MID1: variants seen among roughly 807,000 people sequenced by gnomAD.
The protein encoded by MID1 is E3 ubiquitin-protein ligase Midline-1.
MID1 carries 7 observed loss-of-function variants against 40.4 expected under a neutral mutation model. The observed-to-expected ratio is 0.17, with a 90% CI of 0.10 to 0.33. The LOEUF is 0.33. Ranked by LOEUF, MID1 falls within the 10% of genes least tolerant of loss-of-function variation. MID1 has a pLI of 1.00. For synonymous variants in MID1, 229 were observed against 221.2 expected, an observed-to-expected ratio of 1.04 and a Z score of -0.31; for missense variants, 367 against 558.5, an observed-to-expected ratio of 0.66 and a Z score of 3.46.
chrX:10,682,738 G>T (rs927908276), intron 1 of MID1, among the ~76,000 whole-genome samples: 4 of 111,387 alleles, frequency 3.6e-5, no homozygotes, highest in African/African-American at 1.3e-4. Flanking sequence ...CCTTTTCCCT[G>T]ATCATTAATA....
intron 1 of MID1, among the ~76,000 whole-genome samples, chrX:10,826,405 T>C (rs2044217150): frequency 8.9e-6 from 1 of 112,372 alleles, no homozygotes; most frequent in South Asian, 3.7e-4. Context: ...TCTGCTCTAC[T>C]ATTTTGATGC....
intron 5 of MID1, chrX:10,474,967 G>A (rs1375662503): frequency 1.9e-5 from 9 of 464,233 alleles, no homozygotes; most frequent in Non-Finnish European, 3.5e-5. Flanking sequence ...ACAACAAAAT[G>A]GCTTGCCCTC....
At chrX:10,646,917 C>T (rs999710700) in intron 1 of MID1, among the ~76,000 whole-genome samples, 9 of 111,632 alleles carry the variant, frequency 8.1e-5, no homozygotes, top group Non-Finnish European at 1.5e-4. Flanking sequence ...AGGAATTTTT[C>T]TAATTATATC....
intron 1 of MID1, among the ~76,000 whole-genome samples, chrX:10,706,417 TGTCATG>T (rs2043231822): frequency 1.8e-5 from 2 of 110,862 alleles, no homozygotes; most frequent in Admixed American, 1.9e-4. Context: ...AATCCCCACA[TGTCATG>T]GGAGGGACCT....
At chrX:10,759,650 C>T (rs908077260) in intron 1 of MID1, among the ~76,000 whole-genome samples, 2 of 110,392 alleles carry the variant, frequency 1.8e-5, no homozygotes, top group African/African-American at 6.6e-5. Context: ...CTCCGCCACT[C>T]CCCCAACCCC....
intron 1 of MID1, among the ~76,000 whole-genome samples, chrX:10,825,510 G>A (rs1023113718): frequency 4.5e-5 from 5 of 112,238 alleles, no homozygotes; most frequent in African/African-American, 1.3e-4. Flanking sequence ...TACTGGGAAC[G>A]TGAAGTTAAT....
intron 1 of MID1, among the ~76,000 whole-genome samples, chrX:10,729,115 A>G (rs990746944): frequency 1.8e-5 from 2 of 112,038 alleles, no homozygotes; most frequent in African/African-American, 6.5e-5. Flanking sequence ...TGGGTGGCAC[A>G]GACACTTCTG....
chrX:10,634,752 C>A (rs184270310), intron 1 of MID1, among the ~76,000 whole-genome samples: 151 of 112,201 alleles, frequency 1.3e-3, no homozygotes, highest in African/African-American at 4.7e-3. Context: ...GAATATCGTA[C>A]AACCCACCTA....
chrX:10,646,928 A>G (rs1195725790), intron 1 of MID1, among the ~76,000 whole-genome samples: 1 of 111,882 alleles, frequency 8.9e-6, no homozygotes, highest in Non-Finnish European at 1.9e-5. Context: ...TAATTATATC[A>G]GAGAAACGAA....
At chrX:10,635,362 T>C (rs959328121) in intron 1 of MID1, among the ~76,000 whole-genome samples, 1 of 112,510 alleles carries the variant, frequency 8.9e-6, no homozygotes, top group Non-Finnish European at 1.9e-5. Context: ...CTTCTAATGA[T>C]AGTTCCACTC....
chrX:10,754,719 C>T (rs1005252534), intron 1 of MID1, among the ~76,000 whole-genome samples: 1 of 111,043 alleles, frequency 9.0e-6, no homozygotes, highest in Non-Finnish European at 1.9e-5. Flanking sequence ...TTTTCTATGG[C>T]CCTGCAATCT....
chrX:10,456,526 C>CTAT (rs1162142525), intron 8 of MID1, among the ~76,000 whole-genome samples: 1 of 112,589 alleles, frequency 8.9e-6, no homozygotes, highest in African/African-American at 3.2e-5. Flanking sequence ...TTTTAGAAAT[C>CTAT]TATTTCTGTA....
intron 4 of MID1, 126 bp from the exon 5 acceptor site, chrX:10,482,754 G>C: frequency 1.4e-6 from 1 of 692,169 alleles, no homozygotes; most frequent in African/African-American, 2.1e-5. Context: ...TAGGCATAGA[G>C]ATATATCAAA....
chrX:10,527,580 C>T (rs1042328798), intron 2 of MID1, among the ~76,000 whole-genome samples: 12 of 111,625 alleles, frequency 1.1e-4, no homozygotes, highest in African/African-American at 3.9e-4. Context: ...CTCCAGCTTG[C>T]TCATGGCTTT....
intron 1 of MID1, among the ~76,000 whole-genome samples, chrX:10,725,408 AT>A (rs2043383034): frequency 1.8e-5 from 2 of 111,486 alleles, no homozygotes; most frequent in South Asian, 7.5e-4. Context: ...TTATAAATAT[AT>A]TTTTCCCGAG....
rs1292370523 is a variant in MID1, at chrX:10,465,260, C to CACACAT, written c.1285+4436_1285+4437insATGTGT. ...ACACACACACACACACACACACACA[C>CACACAT]ATACATATATGAAAGAATAAAAGAA... is the stretch of plus-strand genomic sequence containing the variant. On this transcript the variant is annotated intron_variant, in intron 7 of 9. Transcript: ENST00000317552. 1.7e-3 allele frequency among the ~76,000 whole-genome samples: 153 copies of CACACAT among 92,400 alleles called. 1 individual carries two copies. Among genetic ancestry groups the CACACAT allele is most frequent in the African/African-American group, 5.6e-3 (136 of 24,454 alleles). The allele number at this position is 92,400 out of a possible 115,157, so 80.2% of individuals were successfully genotyped here.
intron 3 of MID1, among the ~76,000 whole-genome samples, chrX:10,515,149 C>T (rs1043022043): frequency 7.1e-5 from 8 of 112,337 alleles, no homozygotes; most frequent in African/African-American, 2.6e-4. Context: ...AATGCTTTGG[C>T]ATTACAAAAC....
intron 1 of MID1, among the ~76,000 whole-genome samples, chrX:10,764,268 T>C: frequency 9.0e-6 from 1 of 111,725 alleles, no homozygotes; most frequent in Non-Finnish European, 1.9e-5. Context: ...TGGTAATGCC[T>C]AGGTTTTCTT....
intron 1 of MID1, among the ~76,000 whole-genome samples, chrX:10,690,138 C>T (rs2043123282): frequency 9.0e-6 from 1 of 111,320 alleles, no homozygotes; most frequent in Admixed American, 9.6e-5. Context: ...AATCAAGATG[C>T]TGAGAGTTGT....
Sources: allele counts gnomAD v4.1 joint callset (sites outside exome capture counted in the v4.1 genomes callset), GRCh38; gene constraint gnomAD v4.1.1; transcripts MANE v1.5; gene names NCBI Gene and HGNC (gene_info 2026-07-23, HGNC 2026-07-21).